Variants in NRCAM observed in about 807,000 individuals in gnomAD.
NRCAM encodes NgCAM-related cell adhesion molecule.
Under a neutral mutation model 156.5 loss-of-function variants are expected in NRCAM, and 83 were observed. The ratio of observed to expected loss-of-function variants is 0.53; its 90% CI spans 0.44 to 0.64. NRCAM has a LOEUF of 0.64. Ranked by LOEUF, NRCAM falls within the 30% of genes least tolerant of loss-of-function variation. The pLI is 0.00. For synonymous variants in NRCAM, 538 were observed against 563.9 expected (o/e 0.95, Z 0.65); for missense variants, 1,417 against 1,597.3 (o/e 0.89, Z 1.92).
At chr7:108,294,403 C>T (rs912020044) in intron 3 of NRCAM, among the ~76,000 whole-genome samples, 11 of 151,952 alleles carry the variant, frequency 7.2e-5, no homozygotes, top group Non-Finnish European at 1.6e-4. Context: ...TGTTGCAGTT[C>T]CAGCTTTTCC....
chr7:108,367,487 T>G (rs1291753056), intron 2 of NRCAM, among the ~76,000 whole-genome samples: 1 of 152,164 alleles, frequency 6.6e-6, no homozygotes, highest in Admixed American at 6.5e-5. Context: ...CACTAACATA[T>G]TTGTTTTCCT....
At chr7:108,443,700 C>T (rs1841155447) in intron 1 of NRCAM, among the ~76,000 whole-genome samples, 1 of 152,142 alleles carries the variant, frequency 6.6e-6, no homozygotes. Flanking sequence ...AAAGTTGCAG[C>T]TGATTATAAT....
intron 2 of NRCAM, among the ~76,000 whole-genome samples, chr7:108,353,493 A>AT (rs1563397739): frequency 1.1e-4 from 16 of 151,882 alleles, no homozygotes; most frequent in Admixed American, 3.3e-4. Flanking sequence ...ATAATTTTAA[A>AT]TTTTTTTTAG....
chr7:108,248,578 C>T (rs2096121224), intron 3 of NRCAM, among the ~76,000 whole-genome samples: 1 of 152,120 alleles, frequency 6.6e-6, no homozygotes, highest in African/African-American at 2.4e-5. Context: ...TGATACTTCG[C>T]CTGTTCTATC....
intron 2 of NRCAM, among the ~76,000 whole-genome samples, chr7:108,330,764 T>C (rs1177369548): frequency 6.6e-6 from 1 of 152,150 alleles, no homozygotes; most frequent in Non-Finnish European, 1.5e-5. Flanking sequence ...TTCCAAAATG[T>C]AATTTGGGGT....
intron 1 of NRCAM, among the ~76,000 whole-genome samples, chr7:108,428,706 T>C (rs1301091442): frequency 1.3e-5 from 2 of 152,214 alleles, no homozygotes; most frequent in African/African-American, 4.8e-5. Context: ...CTTTATGAAG[T>C]TCAATAAGTA....
At position 108,148,619 on chromosome 7, in the gene NRCAM, T is replaced by C. The variant is rs1224256923; in HGVS notation, c.*1291A>G. 6.6e-6 allele frequency: 1 copy of C among 152,660 alleles called. No individual in the cohort carries two copies. Among genetic ancestry groups the C allele is most frequent in the Non-Finnish European group, 1.5e-5 (1 of 68,030 alleles). The allele number at this position is 152,660 out of a possible 1,614,324, so 9.5% of individuals were successfully genotyped here. ...GCCTTTTAAGCACTTGCCTGATTTC[T>C]TAGATTCTGAAATGTATCCATAACA... On this transcript the variant is annotated 3_prime_UTR_variant, in exon 33 of 33. Transcript: ENST00000379028.
At chr7:108,184,138 C>A in intron 22 of NRCAM, 103 bp downstream of exon 22, 1 of 695,130 alleles carries the variant, frequency 1.4e-6, no homozygotes, top group Non-Finnish European at 2.3e-6. Flanking sequence ...ATTTTTTTTC[C>A]CCAGAAATAG....
At chr7:108,265,040 G>T (rs550890904) in intron 3 of NRCAM, among the ~76,000 whole-genome samples, 1 of 152,288 alleles carries the variant, frequency 6.6e-6, no homozygotes, top group South Asian at 2.1e-4. Flanking sequence ...GGTGGCACCT[G>T]TGGAACCTCC....
chr7:108,264,823 T>C (rs1020256037), intron 3 of NRCAM, among the ~76,000 whole-genome samples: 2 of 152,172 alleles, frequency 1.3e-5, no homozygotes, highest in African/African-American at 2.4e-5. Context: ...GGTTTCCAAT[T>C]CCACGTGTTT....
chr7:108,215,893 G>A (rs1422953237), intron 11 of NRCAM, among the ~76,000 whole-genome samples: 2 of 151,974 alleles, frequency 1.3e-5, no homozygotes, highest in African/African-American at 4.8e-5. Context: ...TTTTAATTTG[G>A]GCATTTAGCC....
rs78736534 is a variant in NRCAM at position 108,289,615 on chromosome 7, C to T, written c.-107+23050G>A. Among the ~76,000 whole-genome samples the T allele has an allele frequency of 5.7e-3, 861 of 152,218 alleles. 1 individual carries two copies. The highest frequency in any genetic ancestry group is 0.01 in the South Asian group (49 of 4,826). On this transcript the variant is annotated intron_variant, in intron 3 of 32. Transcript: ENST00000379028. ...TCATCAGTGTTGGGCACATGGGAGG[C>T]ACTCAAGAAATGGTTGTTGAATTAA...
At chr7:108,326,687 T>G (rs1474165884) in intron 2 of NRCAM, among the ~76,000 whole-genome samples, 1 of 152,184 alleles carries the variant, frequency 6.6e-6, no homozygotes, top group Non-Finnish European at 1.5e-5. Flanking sequence ...CTCAATATTG[T>G]GTAAGTAAAC....
At chr7:108,202,425 T>C (rs572575138) in intron 13 of NRCAM, among the ~76,000 whole-genome samples, 8 of 152,380 alleles carry the variant, frequency 5.3e-5, no homozygotes, top group African/African-American at 1.7e-4. Context: ...TAGTATTTTA[T>C]GCATTTTGGA....
rs772492676 is a variant in NRCAM, at chr7:108,194,251, C to T, written c.1630+11G>A. The stretch of plus-strand genomic sequence containing the variant: ...GTCATTTAAAAATTAAACACATTAC[C>T]TCTGCCTTACCTTTGATTTCTAAGT... On this transcript the variant is annotated intron_variant, in intron 16 of 32. Transcript: ENST00000379028. 1.2e-6 allele frequency: 2 copies of T among 1,611,796 alleles called. No individual in the cohort carries two copies. The highest frequency in any genetic ancestry group is 1.7e-6 in the Non-Finnish European group (2 of 1,178,310).
chr7:108,350,195 C>T (rs1029713640), intron 2 of NRCAM, among the ~76,000 whole-genome samples: 5 of 152,214 alleles, frequency 3.3e-5, no homozygotes, highest in African/African-American at 1.2e-4. Flanking sequence ...GGCGTTCCTG[C>T]TTTCACCTCC....
intron 27 of NRCAM, 85 bp downstream of exon 27, chr7:108,176,345 A>G (rs996166133): frequency 1.6e-6 from 2 of 1,228,032 alleles, no homozygotes; most frequent in South Asian, 1.3e-5. Context: ...CAGACGTTCC[A>G]TAGCAAGAAG....
intron 30 of NRCAM, among the ~76,000 whole-genome samples, chr7:108,161,798 T>A (rs932825929): frequency 2.0e-5 from 3 of 152,122 alleles, no homozygotes; most frequent in Admixed American, 2.0e-4. Context: ...AATATGGACA[T>A]ATGTAGAAGA....
intron 8 of NRCAM, among the ~76,000 whole-genome samples, chr7:108,230,023 C>A (rs1341907512): frequency 2.0e-5 from 3 of 152,070 alleles, no homozygotes; most frequent in Non-Finnish European, 4.4e-5. Context: ...CATGTTAAGC[C>A]CTTAGTAAAA....
Sources: allele counts gnomAD v4.1 joint callset (sites outside exome capture counted in the v4.1 genomes callset), GRCh38; gene constraint gnomAD v4.1.1; transcripts MANE v1.5; gene names NCBI Gene and HGNC (gene_info 2026-07-23, HGNC 2026-07-21).